Variants in ENDOD1 observed in about 807,000 individuals in gnomAD.
The protein encoded by ENDOD1 is endonuclease domain containing 1, also known as endonuclease domain-containing 1 protein.
A neutral mutation model predicts 6.5 loss-of-function variants in ENDOD1; 9 were observed. The ratio of observed to expected loss-of-function variants is 1.39; its 90% CI spans 0.84 to 2.43. ENDOD1 has a LOEUF of 2.43. ENDOD1 is among the 30% of genes most tolerant of loss of function. The pLI is 0.00. For synonymous variants in ENDOD1, 255 were observed against 255.2 expected, an observed-to-expected ratio of 1.00 and a Z score of 0.01; for missense variants, 648 against 635.5, an observed-to-expected ratio of 1.02 and a Z score of -0.21.
At chr11:95,101,879 C>T (rs1298779677) in intron 1 of ENDOD1, among the ~76,000 whole-genome samples, 6 of 152,116 alleles carry the variant, frequency 3.9e-5, no homozygotes, top group African/African-American at 1.4e-4. Flanking sequence ...AATAGAAGAC[C>T]TCAGGACTTC....
At position 95,090,234 on chromosome 11, in the gene ENDOD1, G is replaced by T. The variant is rs1465078675; in HGVS notation, c.300+7G>T. 16 of 1,368,406 alleles carry T rather than the reference G, an allele frequency of 1.2e-5. No homozygotes were observed. The highest frequency in any genetic ancestry group is 3.2e-5 in the Admixed American group (1 of 31,298). The allele number at this position is 1,368,406 out of a possible 1,614,324, so 84.8% of individuals were successfully genotyped here. On this transcript the variant is annotated splice_region_variant and intron_variant, in intron 1 of 1. Transcript: ENST00000278505. ...ATGGCTGGTGGAGCCGCAGGTAAGC[G>T]AAGTGGTTCCCGAGCCGGGCTGCGG... is the stretch of plus-strand genomic sequence containing the variant.
At chr11:95,095,420 A>G (rs1161170873) in intron 1 of ENDOD1, among the ~76,000 whole-genome samples, 1 of 1,510 alleles carries the variant, frequency 6.6e-4, no homozygotes, top group Non-Finnish European at 1.6e-3. Context: ...GACCCAGGGG[A>G]TGGTTCCAAC....
intron 1 of ENDOD1, among the ~76,000 whole-genome samples, chr11:95,113,173 G>A (rs1039364870): frequency 6.6e-6 from 1 of 152,018 alleles, no homozygotes; most frequent in African/African-American, 2.4e-5. Flanking sequence ...GGCATGCAAT[G>A]TCTAATAATC....
chr11:95,092,586 A>G (rs1858941518), intron 1 of ENDOD1, among the ~76,000 whole-genome samples: 2 of 152,206 alleles, frequency 1.3e-5, no homozygotes, highest in South Asian at 4.1e-4. Context: ...GAGAGGTCAG[A>G]ATGGTCACTG....
intron 1 of ENDOD1, among the ~76,000 whole-genome samples, chr11:95,105,645 CTACTTAT>C (rs1204513658): frequency 6.6e-6 from 1 of 152,184 alleles, no homozygotes; most frequent in Admixed American, 6.5e-5. Context: ...TGTTCAGCTC[CTACTTAT>C]AAGTGAGAAC....
intron 1 of ENDOD1, among the ~76,000 whole-genome samples, chr11:95,096,171 A>G (rs1259330511): frequency 7.6e-6 from 1 of 131,284 alleles, no homozygotes; most frequent in Non-Finnish European, 1.6e-5. Context: ...ATTTGCCAGT[A>G]GCATTTGTTT....
At chr11:95,093,144 C>T (rs1447590569) in intron 1 of ENDOD1, among the ~76,000 whole-genome samples, 3 of 152,226 alleles carry the variant, frequency 2.0e-5, no homozygotes, top group Non-Finnish European at 4.4e-5. Context: ...GTGTTGCCTG[C>T]CCAGCCCCTA....
chr11:95,129,297 A>T lies in ENDOD1; in HGVS notation c.1221A>T (p.Lys407Asn), dbSNP rs1859346178. 6.2e-7 allele frequency: 1 copy of T among 1,614,166 alleles called. No individual in the cohort carries two copies. The highest frequency in any genetic ancestry group is 8.5e-7 in the Non-Finnish European group (1 of 1,180,036). ...GGAAGGTGCTCAAGGTCGTGGCCAA[A>T]GTCATCAGGGCTCTCCTCCGGATCC... ...IPWKVLKVVA[K>N]VIRALLRILC... The change falls in exon 2 of 2, where the codon AAA (lysine) becomes AAT (asparagine). Residue 407 changes from lysine to asparagine, a missense_variant. Coordinates refer to ENST00000278505, the MANE Select transcript of ENDOD1 (RefSeq NM_015036.3).
chr11:95,126,273 C>T (rs7111586), intron 1 of ENDOD1, among the ~76,000 whole-genome samples: 29,875 of 152,208 alleles, frequency 0.2, 3,201 homozygotes, highest in Middle Eastern at 0.31. Context: ...GTTGGACTGC[C>T]CTCAGACTAG....
intron 1 of ENDOD1, among the ~76,000 whole-genome samples, chr11:95,115,907 AT>A (rs1859204416): frequency 6.6e-6 from 1 of 151,774 alleles, no homozygotes; most frequent in Non-Finnish European, 1.5e-5. Context: ...TTTGTTGAGG[AT>A]TTTTGCATCA....
intron 1 of ENDOD1, among the ~76,000 whole-genome samples, chr11:95,123,142 T>C (rs1859278279): frequency 6.7e-6 from 1 of 149,844 alleles, no homozygotes; most frequent in African/African-American, 2.5e-5. Context: ...TGAGCCAATA[T>C]CAGGCCACTG....
At chr11:95,091,568 G>A (rs1012409493) in intron 1 of ENDOD1, among the ~76,000 whole-genome samples, 18 of 152,316 alleles carry the variant, frequency 1.2e-4, no homozygotes, top group African/African-American at 4.3e-4. Flanking sequence ...ATCTTGCATT[G>A]TGATTGTGTG....
At position 95,128,977 on chromosome 11, in the gene ENDOD1, A is replaced by G; in HGVS notation, c.901A>G (p.Ser301Gly). 2 of 1,614,022 alleles carry G rather than the reference A, an allele frequency of 1.2e-6. No individual in the cohort carries two copies. The highest frequency in any genetic ancestry group is 1.7e-6 in the Non-Finnish European group (2 of 1,180,006). ...AGAACGAATGGTACAATCTCAAAAG[A>G]GTTCTAGTCCCCTTTCTAGCACCAG... ...DEERMVQSQKSSSPLSSTRSK... is the reference protein window; with the variant it reads ...DEERMVQSQKGSSPLSSTRSK... Residue 301 changes from serine to glycine, a missense_variant, in exon 2 of 2, where the codon AGT becomes GGT. Transcript: ENST00000278505.
intron 1 of ENDOD1, among the ~76,000 whole-genome samples, chr11:95,118,291 C>A (rs1859230160): frequency 6.6e-6 from 1 of 152,206 alleles, no homozygotes; most frequent in African/African-American, 2.4e-5. Context: ...TGCTCATTAA[C>A]ATCCTTTTCT....
At position 95,131,194 on chromosome 11, in the gene ENDOD1, G is replaced by A. The variant is rs1334096626; in HGVS notation, c.*1615G>A. 6.6e-6 allele frequency: 1 copy of A among 152,248 alleles called. No individual in the cohort carries two copies. The highest frequency in any genetic ancestry group is 1.5e-5 in the Non-Finnish European group (1 of 68,060). 9.4% of individuals were successfully genotyped at this position (152,248 alleles called of 1,614,324 possible). On this transcript the variant is annotated 3_prime_UTR_variant, in exon 2 of 2. Coordinates refer to ENST00000278505, the MANE Select transcript of ENDOD1 (RefSeq NM_015036.3). ...AGGTTAGGGAGTATGAGCACCGCAT[G>A]GGTCCATGCTAGGGAGATGTGCACC... is the stretch of plus-strand genomic sequence containing the variant.
chr11:95,120,512 C>T (rs1859252872), intron 1 of ENDOD1, among the ~76,000 whole-genome samples: 1 of 151,908 alleles, frequency 6.6e-6, no homozygotes, highest in Non-Finnish European at 1.5e-5. Flanking sequence ...GTGCCTTATC[C>T]TGCTGTGGCT....
At chr11:95,098,984 A>G (rs948284041) in intron 1 of ENDOD1, among the ~76,000 whole-genome samples, 1 of 152,154 alleles carries the variant, frequency 6.6e-6, no homozygotes, top group South Asian at 2.1e-4. Context: ...CCAGGATTTT[A>G]TAGAGGGTGT....
Position 95,131,762 on chromosome 11 carries a change from G to A in ENDOD1, c.*2183G>A, listed in dbSNP as rs964666344. On this transcript the variant is annotated 3_prime_UTR_variant, in exon 2 of 2. Coordinates refer to ENST00000278505, the MANE Select transcript of ENDOD1 (RefSeq NM_015036.3). Reference sequence around the variant, plus strand: ...TGAAAGGTCCGAAAAGGGCATCCACGGCAGCTTGAGCCCCTTAGCACCATG... The same window carrying A: ...TGAAAGGTCCGAAAAGGGCATCCACAGCAGCTTGAGCCCCTTAGCACCATG... 3.3e-5 allele frequency: 5 copies of A among 152,358 alleles called. No homozygotes were observed. The highest frequency in any genetic ancestry group is 3.9e-4 in the East Asian group (2 of 5,180). The allele number at this position is 152,358 out of a possible 1,614,324, so 9.4% of individuals were successfully genotyped here.
Position 95,128,837 on chromosome 11 carries a change from T to G in ENDOD1, c.761T>G (p.Leu254Arg). Residue 254 changes from leucine to arginine, a missense_variant, in exon 2 of 2, where the codon CTT becomes CGT. Coordinates refer to ENST00000278505, the MANE Select transcript of ENDOD1 (RefSeq NM_015036.3). ...DIIEDVMVKD[L>R]QKLLPFNPQL... ...ATAGAAGATGTGATGGTAAAAGATC[T>G]TCAGAAACTGCTTCCATTTAACCCT... 6.2e-7 allele frequency: 1 copy of G among 1,614,156 alleles called. No individual in the cohort carries two copies. Among genetic ancestry groups the G allele is most frequent in the East Asian group, 2.2e-5 (1 of 44,876 alleles).
Sources: allele counts gnomAD v4.1 joint callset (sites outside exome capture counted in the v4.1 genomes callset), GRCh38; gene constraint gnomAD v4.1.1; transcripts MANE v1.5; gene names NCBI Gene and HGNC (gene_info 2026-07-23, HGNC 2026-07-21).